Variants in ALK observed in about 807,000 individuals in gnomAD.
ALK encodes ALK receptor tyrosine kinase.
In ALK, 74 loss-of-function variants were observed where a neutral mutation model predicts 163.1. The ratio of observed to expected loss-of-function variants is 0.45; its 90% CI spans 0.38 to 0.55. The LOEUF (loss-of-function observed/expected upper bound fraction) is 0.55. Ranked by LOEUF, ALK falls within the 20% of genes least tolerant of loss-of-function variation. The pLI is 0.00. For missense variants in ALK, 2,063 were observed against 2,105.3 expected (o/e 0.98, Z 0.39); for synonymous variants, 960 against 843.2 (o/e 1.14, Z -2.40).
intron 3 of ALK, among the ~76,000 whole-genome samples, chr2:29,662,387 T>C (rs201347715): frequency 7.6e-4 from 115 of 152,300 alleles, no homozygotes; most frequent in African/African-American, 2.7e-3. Context: ...AACTTCAGAT[T>C]CATGAATTGT....
chr2:29,459,366 C>A (rs572537464), intron 4 of ALK, among the ~76,000 whole-genome samples: 1 of 152,112 alleles, frequency 6.6e-6, no homozygotes, highest in Admixed American at 6.6e-5. Context: ...ACAGACATGG[C>A]GGACACCAAT....
chr2:29,527,097 C>A (rs1164453625), intron 4 of ALK, among the ~76,000 whole-genome samples: 1 of 152,198 alleles, frequency 6.6e-6, no homozygotes, highest in Non-Finnish European at 1.5e-5. Context: ...CAGAGGGCAA[C>A]CAGAGCTTCC....
intron 1 of ALK, among the ~76,000 whole-genome samples, chr2:29,746,227 C>T (rs1680205434): frequency 6.6e-6 from 1 of 152,026 alleles, no homozygotes; most frequent in South Asian, 2.1e-4. Flanking sequence ...GGCTATTAGG[C>T]AATACTGCCA....
chr2:29,827,239 C>A (rs561494169), intron 1 of ALK, among the ~76,000 whole-genome samples: 1 of 152,092 alleles, frequency 6.6e-6, no homozygotes. Flanking sequence ...GAAGTGAAGG[C>A]CTTTAAGATT....
chr2:29,726,678 G>A (rs1679585763), intron 1 of ALK, among the ~76,000 whole-genome samples: 1 of 152,196 alleles, frequency 6.6e-6, no homozygotes, highest in Non-Finnish European at 1.5e-5. Flanking sequence ...TGGGGAGAGT[G>A]TGACCCACTT....
intron 4 of ALK, among the ~76,000 whole-genome samples, chr2:29,400,094 G>A (rs1297184291): frequency 3.3e-5 from 5 of 152,178 alleles, no homozygotes; most frequent in African/African-American, 1.2e-4. Flanking sequence ...CCAGGGGCTG[G>A]AGCCCCATGT....
intron 4 of ALK, among the ~76,000 whole-genome samples, chr2:29,508,055 C>T (rs1672386136): frequency 6.6e-6 from 1 of 152,130 alleles, no homozygotes; most frequent in Non-Finnish European, 1.5e-5. Flanking sequence ...TGTTTGGCCC[C>T]ACCAAACTGA....
At chr2:29,833,496 T>C (rs1375566663) in intron 1 of ALK, among the ~76,000 whole-genome samples, 1 of 152,194 alleles carries the variant, frequency 6.6e-6, no homozygotes, top group Non-Finnish European at 1.5e-5. Context: ...CTGAGCTTTC[T>C]AAAAAAGATG....
chr2:29,919,815 C>T (rs1173439603), intron 1 of ALK, among the ~76,000 whole-genome samples, 178 bp downstream of exon 1: 1 of 152,140 alleles, frequency 6.6e-6, no homozygotes. Flanking sequence ...GAACTGCGTT[C>T]AGGGAGAAAA....
intron 11 of ALK, among the ~76,000 whole-genome samples, chr2:29,270,841 T>C (rs75184497): frequency 0.012 from 1,788 of 152,272 alleles, 28 homozygotes; most frequent in African/African-American, 0.04. Flanking sequence ...AACTTCCTGC[T>C]TCCTGCTCTG....
rs1056896217 is a variant in ALK at position 29,672,707 on chromosome 2, C to G, written c.952+22143G>C. ...GTATATACCCAGTAATGGGATGGCT[C>G]GGTCAAATGGTATTTCTACTTCTAG... is the stretch of plus-strand genomic sequence containing the variant. On this transcript the variant is annotated intron_variant, in intron 3 of 28. Coordinates refer to ENST00000389048, the MANE Select transcript of ALK (RefSeq NM_004304.5). Among the ~76,000 whole-genome samples the G allele has an allele frequency of 2.4e-3, 370 of 152,088 alleles. 2 individuals carry two copies. The highest frequency in any genetic ancestry group is 0.02 in the South Asian group (95 of 4,802).
chr2:29,695,874 A>T (rs558577660), intron 2 of ALK, among the ~76,000 whole-genome samples: 1 of 152,308 alleles, frequency 6.6e-6, no homozygotes, highest in African/African-American at 2.4e-5. Context: ...GCTGGAGAGG[A>T]TGTGGAGAAA....
At chr2:29,251,965 G>C (rs1336600732) in intron 11 of ALK, among the ~76,000 whole-genome samples, 1 of 152,182 alleles carries the variant, frequency 6.6e-6, no homozygotes, top group Non-Finnish European at 1.5e-5. Context: ...ATTAAAACCA[G>C]CTTGCATTTG....
chr2:29,359,192 C>G (rs1435406553), intron 5 of ALK, among the ~76,000 whole-genome samples: 1 of 152,106 alleles, frequency 6.6e-6, no homozygotes, highest in Non-Finnish European at 1.5e-5. Context: ...GAAAAACTAA[C>G]ACTGCAGCAT....
At chr2:29,201,525 T>G (rs183292326) in intron 26 of ALK, among the ~76,000 whole-genome samples, 1 of 152,264 alleles carries the variant, frequency 6.6e-6, no homozygotes, top group East Asian at 1.9e-4. Context: ...CTGTGGCTCA[T>G]GCCTGTAATC....
intron 4 of ALK, among the ~76,000 whole-genome samples, chr2:29,487,628 A>T (rs1671808075): frequency 6.6e-6 from 1 of 152,160 alleles, no homozygotes; most frequent in Admixed American, 6.5e-5. Flanking sequence ...TCAGTTTCCT[A>T]ATAGAAATAT....
intron 1 of ALK, among the ~76,000 whole-genome samples, chr2:29,904,213 T>G (rs1036719684): frequency 2.6e-5 from 4 of 152,332 alleles, no homozygotes; most frequent in Non-Finnish European, 4.4e-5. Flanking sequence ...AAATATTATT[T>G]ATGATTTAAT....
chr2:29,665,005 T>C (rs1317868688), intron 3 of ALK, among the ~76,000 whole-genome samples: 2 of 112,510 alleles, frequency 1.8e-5, no homozygotes, highest in South Asian at 2.6e-4. Context: ...CTTTTTTTCT[T>C]TTTTTTTTTT....
intron 1 of ALK, among the ~76,000 whole-genome samples, chr2:29,894,156 T>C (rs1192333691): frequency 6.6e-6 from 1 of 152,174 alleles, no homozygotes; most frequent in Non-Finnish European, 1.5e-5. Context: ...CAGAGAGAAC[T>C]TGGCTGTCCT....
Sources: gnomAD v4.1 joint callset for allele counts (sites outside exome capture counted in the v4.1 genomes callset) on GRCh38, gnomAD v4.1.1 for gene constraint, MANE v1.5 for transcripts, NCBI Gene and HGNC (gene_info 2026-07-23, HGNC 2026-07-21) for gene names.